The following DPP6 variants were observed in gnomAD, a reference collection of about 807,000 sequenced individuals.
DPP6 encodes dipeptidyl peptidase like 6, also known as A-type potassium channel modulatory protein DPP6.
Under a neutral mutation model 122.6 loss-of-function variants are expected in DPP6, and 69 were observed. The ratio of observed to expected loss-of-function variants is 0.56; its 90% CI spans 0.46 to 0.69. The LOEUF (loss-of-function observed/expected upper bound fraction) is 0.69. DPP6 is among the 30% of genes least tolerant of loss of function. The probability of loss-of-function intolerance (pLI) is 0.00; values close to 1 mark genes in which losing one functional copy is unlikely to be tolerated. For missense variants in DPP6, 928 were observed against 1,116.9 expected (o/e 0.83, Z 2.41); for synonymous variants, 418 against 433.1 (o/e 0.97, Z 0.43).
intron 5 of DPP6, chr7:154,587,555 G>T: frequency 2.9e-6 from 4 of 1,381,070 alleles, no homozygotes; most frequent in South Asian, 2.9e-5. Context: ...TTTGTTTCTC[G>T]ATCCCCAACT....
chr7:154,583,524 G>C (rs777570157), intron 5 of DPP6, among the ~76,000 whole-genome samples: 9 of 152,126 alleles, frequency 5.9e-5, no homozygotes, highest in Non-Finnish European at 1.3e-4. Flanking sequence ...CACTCACCCT[G>C]GGCAACTTAA....
intron 8 of DPP6, among the ~76,000 whole-genome samples, chr7:154,761,670 A>G (rs1461626193): frequency 6.6e-6 from 1 of 151,750 alleles, no homozygotes; most frequent in Non-Finnish European, 1.5e-5. Flanking sequence ...AGAGGGAGTG[A>G]GTAGGGGTGA....
intron 4 of DPP6, among the ~76,000 whole-genome samples, chr7:154,563,764 G>T (rs781393366): frequency 3.2e-4 from 49 of 152,228 alleles, no homozygotes; most frequent in Non-Finnish European, 5.6e-4. Flanking sequence ...TATTCCCATT[G>T]ACTTGAGGTA....
At chr7:153,789,222 C>A in the DPP6 span, among the ~76,000 whole-genome samples, 1 of 152,096 alleles carries the variant, frequency 6.6e-6, no homozygotes, top group South Asian at 2.1e-4. Flanking sequence ...AATGTTATAA[C>A]ATAAAATTTG....
At chr7:153,886,233 C>T (rs1424621390), upstream of DPP6, among the ~76,000 whole-genome samples, 1 of 152,068 alleles carries the variant, frequency 6.6e-6, no homozygotes, top group East Asian at 1.9e-4. Flanking sequence ...CCAACCTCTG[C>T]GCGCGCTCCT....
chr7:153,931,845 A>G (rs978453481), intron 1 of DPP6, among the ~76,000 whole-genome samples: 13 of 152,296 alleles, frequency 8.5e-5, no homozygotes, highest in African/African-American at 3.1e-4. Flanking sequence ...GTTGTTTTTC[A>G]GCTTTTGGTG....
chr7:154,537,922 G>T (rs1478591856), intron 3 of DPP6, among the ~76,000 whole-genome samples: 1 of 151,874 alleles, frequency 6.6e-6, no homozygotes, highest in Non-Finnish European at 1.5e-5. Flanking sequence ...CACTAGAATC[G>T]TGTACATCAG....
At chr7:154,219,928 A>C (rs993712287) in intron 1 of DPP6, among the ~76,000 whole-genome samples, 1 of 152,138 alleles carries the variant, frequency 6.6e-6, no homozygotes, top group Non-Finnish European at 1.5e-5. Context: ...AAACCATTTC[A>C]TTTGTGATTC....
At chr7:154,051,279 G>A (rs1442246721), upstream of DPP6, among the ~76,000 whole-genome samples, 2 of 108,802 alleles carry the variant, frequency 1.8e-5, no homozygotes, top group Non-Finnish European at 4.0e-5. Flanking sequence ...TGGAGTTGGG[G>A]TTTCCCGGCC....
At chr7:154,123,984 A>G (rs1807696201) in intron 1 of DPP6, among the ~76,000 whole-genome samples, 1 of 150,554 alleles carries the variant, frequency 6.6e-6, no homozygotes, top group African/African-American at 2.5e-5. Context: ...ATTACCTGGG[A>G]CAGACATGCT....
chr7:154,280,210 C>A (rs2150948817), intron 1 of DPP6, among the ~76,000 whole-genome samples: 1 of 152,276 alleles, frequency 6.6e-6, no homozygotes, highest in Non-Finnish European at 1.5e-5. Context: ...AAAAAGGTTT[C>A]TATTACAGTG....
rs370685781 is a variant in DPP6, at chr7:154,663,713, A to G, written c.681-5647A>G. Reference sequence around the variant, plus strand: ...ATGGCATATCGGCCGTAGTGTTCATATAGTCATGGTGAATCACCATGGCGT... The same window carrying G: ...ATGGCATATCGGCCGTAGTGTTCATGTAGTCATGGTGAATCACCATGGCGT... On this transcript the variant is annotated intron_variant, in intron 6 of 25. Coordinates refer to ENST00000377770, the MANE Select transcript of DPP6 (RefSeq NM_130797.4). 2.2e-4 allele frequency among the ~76,000 whole-genome samples: 11 copies of G among 51,076 alleles called. 1 individual carries two copies. The highest frequency in any genetic ancestry group is 8.7e-4 in the Admixed American group (3 of 3,452). 33.5% of individuals were successfully genotyped at this position (51,076 alleles called of 152,430 possible). A position where few individuals can be genotyped will look rare whatever the true frequency, so the allele number is the denominator to read the frequency against.
chr7:154,255,996 A>G (rs888514683), intron 1 of DPP6, among the ~76,000 whole-genome samples: 2 of 149,748 alleles, frequency 1.3e-5, no homozygotes, highest in Admixed American at 1.3e-4. Flanking sequence ...TAAATATGTG[A>G]AAACACACTA....
chr7:154,157,038 C>T (rs949290675), intron 1 of DPP6, among the ~76,000 whole-genome samples: 14 of 152,224 alleles, frequency 9.2e-5, no homozygotes, highest in African/African-American at 3.4e-4. Flanking sequence ...AAGATATACC[C>T]TCACTGGGAT....
At chr7:153,782,937 T>C in the DPP6 span, among the ~76,000 whole-genome samples, 1 of 152,298 alleles carries the variant, frequency 6.6e-6, no homozygotes, top group Middle Eastern at 3.4e-3. Context: ...CCATGTGCGA[T>C]ACTTGTATAG....
chr7:154,127,439 C>G (rs1807968773), intron 1 of DPP6, among the ~76,000 whole-genome samples: 3 of 152,080 alleles, frequency 2.0e-5, no homozygotes, highest in East Asian at 1.9e-4. Context: ...GAAGACTTCC[C>G]CTCATGCACG....
chr7:154,807,502 A>G (rs1257133764), intron 16 of DPP6, among the ~76,000 whole-genome samples: 1 of 152,200 alleles, frequency 6.6e-6, no homozygotes, highest in Non-Finnish European at 1.5e-5. Context: ...AATTTCAAAG[A>G]TTAACTTTTC....
At chr7:154,015,568 T>A (rs139839945) in intron 1 of DPP6, among the ~76,000 whole-genome samples, 4,576 of 152,220 alleles carry the variant, frequency 0.03, 86 homozygotes, top group South Asian at 0.077. Context: ...CCACCAGTGT[T>A]CCATCTCAGT....
At chr7:154,216,429 G>A (rs1350642078) in intron 1 of DPP6, among the ~76,000 whole-genome samples, 2 of 152,182 alleles carry the variant, frequency 1.3e-5, no homozygotes, top group African/African-American at 4.8e-5. Context: ...GAAGATTGAG[G>A]TATGCGGAAG....
Sources: allele counts gnomAD v4.1 joint callset (sites outside exome capture counted in the v4.1 genomes callset), GRCh38; gene constraint gnomAD v4.1.1; transcripts MANE v1.5; gene names NCBI Gene and HGNC (gene_info 2026-07-23, HGNC 2026-07-21).